Variants in DOCK7 observed in about 807,000 individuals in gnomAD.
DOCK7 encodes dedicator of cytokinesis 7.
In DOCK7, 138 loss-of-function variants were observed where a neutral mutation model predicts 271.0. The ratio of observed to expected loss-of-function variants is 0.51; its 90% confidence interval spans 0.44 to 0.59. The LOEUF is 0.59. Ranked by LOEUF, DOCK7 falls within the 20% of genes least tolerant of loss-of-function variation. The pLI is 0.00. For missense variants in DOCK7, 2,066 were observed against 2,592.4 expected (o/e 0.80, Z 4.41); for synonymous variants, 823 against 876.1 (o/e 0.94, Z 1.07).
At chr1:62,656,712 A>C (rs1658058080) in intron 2 of DOCK7, among the ~76,000 whole-genome samples, 2 of 152,064 alleles carry the variant, frequency 1.3e-5, no homozygotes, top group Non-Finnish European at 2.9e-5. Context: ...GAGTTACTTC[A>C]AAATTTCTTT....
At chr1:62,524,824 G>A (rs1644951091) in intron 31 of DOCK7, among the ~76,000 whole-genome samples, 1 of 150,186 alleles carries the variant, frequency 6.7e-6, no homozygotes. Flanking sequence ...CTTGAACCTA[G>A]GAGGCAGAGG....
At chr1:62,526,951 T>C (rs1484141905) in intron 31 of DOCK7, among the ~76,000 whole-genome samples, 2 of 152,170 alleles carry the variant, frequency 1.3e-5, no homozygotes, top group Non-Finnish European at 2.9e-5. Context: ...AGGAATCTTT[T>C]CAGCGTATTG....
intron 48 of DOCK7, among the ~76,000 whole-genome samples, chr1:62,466,303 G>C (rs1038182051): frequency 1.3e-5 from 2 of 152,146 alleles, no homozygotes; most frequent in African/African-American, 4.8e-5. Flanking sequence ...AGAGAAGTGA[G>C]CACCAGGATT....
chr1:62,669,715 G>A (rs1001182401), intron 1 of DOCK7, among the ~76,000 whole-genome samples: 5 of 152,268 alleles, frequency 3.3e-5, no homozygotes, highest in Admixed American at 2.0e-4. Flanking sequence ...ATTGAGAGGT[G>A]ACAGCGTGCT....
chr1:62,604,206 G>A, intron 14 of DOCK7: 2 of 1,613,288 alleles, frequency 1.2e-6, no homozygotes, highest in Non-Finnish European at 1.7e-6. Context: ...AAAGCAAAAG[G>A]ACACTTCAAC....
chr1:62,484,170 GCTC>G (rs1223972117), intron 43 of DOCK7: 1 of 151,990 alleles, frequency 6.6e-6, no homozygotes, highest in Non-Finnish European at 1.5e-5. Context: ...CAAAATACTG[GCTC>G]ACATTCATGT....
chr1:62,666,078 G>A (rs1361567455), intron 1 of DOCK7, among the ~76,000 whole-genome samples: 1 of 151,832 alleles, frequency 6.6e-6, no homozygotes, highest in African/African-American at 2.4e-5. Flanking sequence ...GCAGGAGAAT[G>A]GTGAGAACCC....
intron 46 of DOCK7, 113 bp downstream of exon 46, chr1:62,475,594 C>T: frequency 8.8e-7 from 1 of 1,139,716 alleles, no homozygotes; most frequent in Non-Finnish European, 1.3e-6. Context: ...GGGTAAAGTT[C>T]TAATATGTTA....
Position 62,567,547 on chromosome 1 carries a change from G to C in DOCK7, c.2113-5844C>G, listed in dbSNP as rs141318962. 6.4e-3 allele frequency among the ~76,000 whole-genome samples: 977 copies of C among 152,026 alleles called. 11 individuals carry two copies. Among genetic ancestry groups the C allele is most frequent in the East Asian group, 0.045 (233 of 5,132 alleles). On this transcript the variant is annotated intron_variant, in intron 18 of 49. Coordinates refer to ENST00000635253, the MANE Select transcript of DOCK7 (RefSeq NM_001367561.1). ...GAACATCACACACTGGGGCCTGTTG[G>C]GGGGTGGAGGGCTAGGGGAGGGACA...
Position 62,494,631 on chromosome 1 carries a change from A to G in DOCK7, c.5025-164T>C, listed in dbSNP as rs960926581. On this transcript the variant is annotated intron_variant, in intron 39 of 49. Coordinates refer to ENST00000635253, the MANE Select transcript of DOCK7 (RefSeq NM_001367561.1). ...GTCGCTATGCAGGCCTAGAGAAATA[A>G]CTGTGGCCTATGGAATGGATAATAT... The G allele has an allele frequency of 2.4e-5, 10 of 412,048 alleles. No homozygotes were observed. In the Admixed American group the frequency reaches 4.4e-4, roughly 18 times the overall value. The allele number at this position is 412,048 out of a possible 1,614,324, so 25.5% of individuals were successfully genotyped here.
At chr1:62,630,382 C>T (rs926482045) in intron 11 of DOCK7, among the ~76,000 whole-genome samples, 1 of 152,162 alleles carries the variant, frequency 6.6e-6, no homozygotes, top group Non-Finnish European at 1.5e-5. Context: ...AACCCTATGT[C>T]TCATTCTCTG....
chr1:62,613,687 A>G (rs1557803478), intron 14 of DOCK7, among the ~76,000 whole-genome samples: 1 of 152,144 alleles, frequency 6.6e-6, no homozygotes, highest in African/African-American at 2.4e-5. Context: ...TCTCTTTCCT[A>G]CGATTTCTCA....
chr1:62,659,432 T>C (rs1658413332), intron 2 of DOCK7, among the ~76,000 whole-genome samples: 2 of 150,570 alleles, frequency 1.3e-5, no homozygotes, highest in Non-Finnish European at 3.0e-5. Flanking sequence ...TAAATCAAAA[T>C]GGAATTCTAA....
intron 18 of DOCK7, among the ~76,000 whole-genome samples, chr1:62,573,011 C>G (rs1337621083): frequency 4.6e-5 from 7 of 152,154 alleles, no homozygotes; most frequent in Non-Finnish European, 1.0e-4. Flanking sequence ...TATTCCTACA[C>G]AATTACCTAC....
chr1:62,570,361 C>T (rs1414111982), intron 18 of DOCK7, among the ~76,000 whole-genome samples: 1 of 152,160 alleles, frequency 6.6e-6, no homozygotes, highest in Non-Finnish European at 1.5e-5. Flanking sequence ...TGAAGGACCT[C>T]TTCAAGGAGA....
At chr1:62,466,405 G>A (rs998997108) in intron 48 of DOCK7, among the ~76,000 whole-genome samples, 5 of 152,172 alleles carry the variant, frequency 3.3e-5, no homozygotes, top group East Asian at 1.9e-4. Flanking sequence ...AGCTGCTAAC[G>A]CCTGAACCTT....
intron 43 of DOCK7, chr1:62,478,636 C>T (rs1177139706): frequency 6.6e-6 from 1 of 152,152 alleles, no homozygotes; most frequent in African/African-American, 2.4e-5. Context: ...TGTTCTCAAA[C>T]TCCTGGCCTC....
At chr1:62,552,997 T>A (rs1645961875) in intron 21 of DOCK7, 96 bp from the exon 22 acceptor site, 17 of 753,710 alleles carry the variant, frequency 2.3e-5, no homozygotes, top group South Asian at 4.4e-5. Flanking sequence ...TCCACAAAGA[T>A]CATGAATTGC....
At chr1:62,646,459 T>C (rs573538309) in intron 7 of DOCK7, among the ~76,000 whole-genome samples, 16 of 152,046 alleles carry the variant, frequency 1.1e-4, no homozygotes, top group Admixed American at 2.0e-4. Flanking sequence ...AAATAAGCCC[T>C]TTAGGGCTTA....
Sources: allele counts gnomAD v4.1 joint callset (sites outside exome capture counted in the v4.1 genomes callset), GRCh38; gene constraint gnomAD v4.1.1; transcripts MANE v1.5; gene names NCBI Gene and HGNC (gene_info 2026-07-23, HGNC 2026-07-21).